Variants in MLLT3 observed in about 807,000 individuals in gnomAD.
MLLT3 encodes protein AF-9.
MLLT3 carries 4 observed loss-of-function variants against 53.2 expected under a neutral mutation model. The observed-to-expected ratio is 0.08, with a 90% CI of 0.04 to 0.17. The LOEUF (loss-of-function observed/expected upper bound fraction) is 0.17, where lower values mean the gene tolerates loss of function less well. MLLT3 is among the 10% of genes least tolerant of loss of function. The probability of loss-of-function intolerance (pLI) is 1.00; values close to 1 mark genes in which losing one functional copy is unlikely to be tolerated. For missense variants in MLLT3, 569 were observed against 684.0 expected, an observed-to-expected ratio of 0.83 and a Z score of 1.87; for synonymous variants, 283 against 230.6, an observed-to-expected ratio of 1.23 and a Z score of -2.06.
intron 4 of MLLT3, among the ~76,000 whole-genome samples, chr9:20,414,899 C>G (rs1013639837): frequency 6.6e-6 from 1 of 152,100 alleles, no homozygotes; most frequent in African/African-American, 2.4e-5. Flanking sequence ...GGAGGATAAA[C>G]AGGTAGTTAC....
chr9:20,571,355 T>C (rs562345875), intron 2 of MLLT3, among the ~76,000 whole-genome samples: 9 of 152,056 alleles, frequency 5.9e-5, no homozygotes, highest in Admixed American at 1.3e-4. Context: ...TAGGAGAAAA[T>C]ATTTGCAAAA....
intron 2 of MLLT3, among the ~76,000 whole-genome samples, chr9:20,512,596 C>T (rs1158209156): frequency 6.6e-6 from 1 of 152,116 alleles, no homozygotes; most frequent in African/African-American, 2.4e-5. Flanking sequence ...TCCTATACAC[C>T]CCCTAAGTTT....
rs182202306 is a variant in MLLT3 at position 20,427,629 on chromosome 9, T to A, written c.421-13204A>T. ...ATAATATACATAAATTAAAAGGAAT[T>A]TAATCCTAGACACATTGTACTAAAA... On this transcript the variant is annotated intron_variant, in intron 4 of 10. Coordinates refer to ENST00000380338, the MANE Select transcript of MLLT3 (RefSeq NM_004529.4). Among the ~76,000 whole-genome samples, 6 of 151,828 alleles carry A rather than the reference T, an allele frequency of 4.0e-5. No individual in the cohort carries two copies. The East Asian group carries it at 1.2e-3, about 29-fold the overall frequency.
chr9:20,383,248 G>T (rs2118701733), intron 5 of MLLT3, among the ~76,000 whole-genome samples: 2 of 152,048 alleles, frequency 1.3e-5, no homozygotes, highest in South Asian at 4.1e-4. Flanking sequence ...TCAGCTCTAT[G>T]ATGGGGGGTA....
At chr9:20,522,553 G>T (rs1328380884) in intron 2 of MLLT3, among the ~76,000 whole-genome samples, 2 of 151,984 alleles carry the variant, frequency 1.3e-5, no homozygotes, top group African/African-American at 4.8e-5. Context: ...ATTCCCTCTT[G>T]TTTCAAATAG....
chr9:20,422,259 T>C (rs2118795467), intron 4 of MLLT3, among the ~76,000 whole-genome samples: 1 of 152,332 alleles, frequency 6.6e-6, no homozygotes, highest in African/African-American at 2.4e-5. Context: ...TACAATGCTT[T>C]GGAAGGTTTT....
intron 2 of MLLT3, among the ~76,000 whole-genome samples, chr9:20,546,818 G>C (rs1818800529): frequency 6.6e-6 from 1 of 152,210 alleles, no homozygotes; most frequent in African/African-American, 2.4e-5. Flanking sequence ...TCTTTGTTTC[G>C]GGTTGAACGA....
chr9:20,590,391 T>G (rs1258125063), intron 2 of MLLT3, among the ~76,000 whole-genome samples: 4 of 152,198 alleles, frequency 2.6e-5, no homozygotes, highest in African/African-American at 9.6e-5. Context: ...AATCTCCACA[T>G]GCGGAGGCAG....
intron 4 of MLLT3, among the ~76,000 whole-genome samples, chr9:20,416,400 G>T (rs989638793): frequency 1.3e-5 from 2 of 151,714 alleles, no homozygotes; most frequent in African/African-American, 4.8e-5. Context: ...CTAATGTTAA[G>T]TATTAAAAAA....
intron 3 of MLLT3, among the ~76,000 whole-genome samples, chr9:20,453,672 T>C (rs962891735): frequency 2.0e-5 from 3 of 152,198 alleles, no homozygotes; most frequent in African/African-American, 7.2e-5. Context: ...TTATACTAAA[T>C]ACATACCTCT....
chr9:20,461,894 ACTCT>A (rs1824117554), intron 2 of MLLT3, among the ~76,000 whole-genome samples: 1 of 151,938 alleles, frequency 6.6e-6, no homozygotes, highest in Admixed American at 6.6e-5. Context: ...AACACATCAA[ACTCT>A]CTCTATATAT....
intron 2 of MLLT3, among the ~76,000 whole-genome samples, chr9:20,516,563 A>G (rs979679046): frequency 6.6e-6 from 1 of 152,224 alleles, no homozygotes; most frequent in Non-Finnish European, 1.5e-5. Context: ...TATAAAGTTT[A>G]TTTGCAATGT....
intron 2 of MLLT3, among the ~76,000 whole-genome samples, chr9:20,471,599 T>C (rs1191125284): frequency 7.9e-5 from 12 of 152,092 alleles, no homozygotes; most frequent in Admixed American, 7.9e-4. Flanking sequence ...CATAAAACAA[T>C]GAAAGCATGG....
chr9:20,546,331 G>A (rs534668984), intron 2 of MLLT3, among the ~76,000 whole-genome samples: 1 of 152,272 alleles, frequency 6.6e-6, no homozygotes, highest in Non-Finnish European at 1.5e-5. Context: ...TTGAGGCCCA[G>A]AGTTTGAAAC....
At chr9:20,365,576 C>T (rs1476544891) in intron 6 of MLLT3, 93 bp downstream of exon 6, 5 of 1,396,768 alleles carry the variant, frequency 3.6e-6, no homozygotes, top group African/African-American at 2.8e-5. Flanking sequence ...TCTTGATCTC[C>T]TGACCTCTTG....
chr9:20,585,502 T>C (rs951975518), intron 2 of MLLT3, among the ~76,000 whole-genome samples: 1 of 152,204 alleles, frequency 6.6e-6, no homozygotes, highest in Non-Finnish European at 1.5e-5. Context: ...CGTGAAACCA[T>C]CTTCAAAAGT....
At chr9:20,544,193 CTT>C (rs2119016607) in intron 2 of MLLT3, among the ~76,000 whole-genome samples, 1 of 152,276 alleles carries the variant, frequency 6.6e-6, no homozygotes, top group Admixed American at 6.5e-5. Flanking sequence ...AAACATAACA[CTT>C]TATAAAACTC....
At chr9:20,359,511 G>A (rs1821264215) in intron 8 of MLLT3, among the ~76,000 whole-genome samples, 1 of 152,206 alleles carries the variant, frequency 6.6e-6, no homozygotes, top group East Asian at 1.9e-4. Flanking sequence ...CAAAGAAATT[G>A]CAGTTGAACT....
chr9:20,563,513 A>G (rs1052799790), intron 2 of MLLT3, among the ~76,000 whole-genome samples: 3 of 152,232 alleles, frequency 2.0e-5, no homozygotes, highest in Admixed American at 2.0e-4. Context: ...TATGTGCACA[A>G]GGAGAGAACA....
Sources: gnomAD v4.1 joint callset for allele counts (sites outside exome capture counted in the v4.1 genomes callset) on GRCh38, gnomAD v4.1.1 for gene constraint, MANE v1.5 for transcripts, NCBI Gene and HGNC (gene_info 2026-07-23, HGNC 2026-07-21) for gene names.